Variants in COL5A3 observed in about 807,000 individuals in gnomAD.
The protein encoded by COL5A3 is collagen alpha-3(V) chain.
In COL5A3, 172 loss-of-function variants were observed where a neutral mutation model predicts 250.0. The observed-to-expected ratio is 0.69, with a 90% CI of 0.61 to 0.78. The LOEUF (loss-of-function observed/expected upper bound fraction) is 0.78. Among genes scored for constraint, COL5A3 ranks in the 30% least tolerant of loss-of-function variants. The pLI, the probability that COL5A3 is intolerant of heterozygous loss-of-function variation, is 0.00. For synonymous variants in COL5A3, 937 were observed against 900.4 expected (o/e 1.04, Z -0.73); for missense variants, 2,340 against 2,334.4 (o/e 1.00, Z -0.05).
rs544196094 is a variant in COL5A3, at chr19:9,971,683, G to A, written c.3775-425C>T. Reference sequence around the variant, plus strand: ...TAAAGCCCCTTCCTGACCTCCACCCGCCCCAACCTCTACTGTGGTGACAGA... The same window carrying A: ...TAAAGCCCCTTCCTGACCTCCACCCACCCCAACCTCTACTGTGGTGACAGA... On this transcript the variant is annotated intron_variant, in intron 51 of 66. Coordinates refer to ENST00000264828, the MANE Select transcript of COL5A3 (RefSeq NM_015719.4). 2.6e-5 allele frequency among the ~76,000 whole-genome samples: 4 copies of A among 151,892 alleles called. No homozygotes were observed. In the South Asian group the frequency reaches 6.2e-4, roughly 24 times the overall value.
chr19:9,967,566 G>T, intron 61 of COL5A3, 166 bp from the exon 62 acceptor site: 1 of 615,032 alleles, frequency 1.6e-6, no homozygotes, highest in Non-Finnish European at 2.8e-6. Context: ...TACAGCCTTG[G>T]GGAAGAGACA....
At position 10,004,840 on chromosome 19, in the gene COL5A3, G is replaced by A. The variant is rs530726720; in HGVS notation, c.595-695C>T. ...CCTGCTGGCTCCCAAAGTCATAACC[G>A]CCCCCACACAATCACACACTATCAC... is the stretch of plus-strand genomic sequence containing the variant. On this transcript the variant is annotated intron_variant, in intron 4 of 66. Coordinates refer to ENST00000264828, the MANE Select transcript of COL5A3 (RefSeq NM_015719.4). Among the ~76,000 whole-genome samples the A allele has an allele frequency of 1.3e-4, 19 of 151,970 alleles. No homozygotes were observed. The East Asian group carries it at 3.1e-3, about 25-fold the overall frequency.
chr19:9,967,884 C>A lies in COL5A3; in HGVS notation c.4404+20G>T. ...TGGGGAGCTGGGATGTGTAAGCCCA[C>A]GGAAGCAGGGTGTACTCACCGGAGA... On this transcript the variant is annotated intron_variant, in intron 61 of 66. Coordinates refer to ENST00000264828, the MANE Select transcript of COL5A3 (RefSeq NM_015719.4). 6.2e-7 allele frequency: 1 copy of A among 1,610,772 alleles called. No individual in the cohort carries two copies. The highest frequency in any genetic ancestry group is 1.1e-5 in the South Asian group (1 of 90,446).
intron 24 of COL5A3, among the ~76,000 whole-genome samples, chr19:9,990,731 T>A (rs1427279223): frequency 6.6e-6 from 1 of 151,830 alleles, no homozygotes; most frequent in Non-Finnish European, 1.5e-5. Context: ...CCCGGCTAAT[T>A]TTTTGGTATT....
At chr19:9,970,916 C>A in intron 53 of COL5A3, 59 bp downstream of exon 53, 1 of 1,369,992 alleles carries the variant, frequency 7.3e-7, no homozygotes, top group South Asian at 1.4e-5. Flanking sequence ...CCCCAATTCA[C>A]TCACTCATTA....
chr19:9,999,108 G>C (rs1006468431), intron 8 of COL5A3, among the ~76,000 whole-genome samples: 1 of 144,638 alleles, frequency 6.9e-6, no homozygotes, highest in Non-Finnish European at 1.5e-5. Context: ...TATTGCCCAG[G>C]CAGGCTTTTC....
rs1438481060 is a variant in COL5A3 at position 10,001,664 on chromosome 19, A to G, written c.970T>C (p.Leu324=). The G allele has an allele frequency of 1.2e-6, 2 of 1,613,686 alleles. No individual in the cohort carries two copies. The highest frequency in any genetic ancestry group is 1.7e-6 in the Non-Finnish European group (2 of 1,179,934). ...GLNATILERS[L]DPDSGTELGT... ...AGCTCGGTTCCACTGTCAGGGTCCA[A>G]GCTCCTCTGAGAACGTTAGGAAAGA... Residue 324 remains leucine, a synonymous_variant, in exon 8 of 67, where the codon TTG becomes CTG. Transcript: ENST00000264828.
chr19:9,977,566 C>T (rs2057053513), intron 42 of COL5A3, 28 bp downstream of exon 42: 3 of 1,546,674 alleles, frequency 1.9e-6, no homozygotes, highest in African/African-American at 1.4e-5. Context: ...TGAGGAGGCC[C>T]TAGGAATGGG....
chr19:9,980,980 AT>A, intron 33 of COL5A3, 107 bp downstream of exon 33: 1 of 1,506,396 alleles, frequency 6.6e-7, no homozygotes, highest in Non-Finnish European at 9.2e-7. Flanking sequence ...AGGGACATTG[AT>A]ATAACCCAAA....
rs1311579453 is a variant in COL5A3 at position 9,993,141 on chromosome 19, C to A, written c.1750-74G>T. 34 of 1,505,316 alleles carry A rather than the reference C, an allele frequency of 2.3e-5. No individual in the cohort carries two copies. The East Asian group carries it at 6.3e-4, about 28-fold the overall frequency. The allele number at this position is 1,505,316 out of a possible 1,614,324, so 93.2% of individuals were successfully genotyped here. ...GAGCCACCTCCCCTCATCTGGGCAG[C>A]CCCTTCCAGGGGGTCTCGGAATTAG... On this transcript the variant is annotated intron_variant, in intron 19 of 66. Coordinates refer to ENST00000264828, the MANE Select transcript of COL5A3 (RefSeq NM_015719.4).
At chr19:9,979,735 G>A (rs2086978306) in intron 37 of COL5A3, 104 bp downstream of exon 37, 11 of 1,110,232 alleles carry the variant, frequency 9.9e-6, no homozygotes, top group East Asian at 4.7e-5. Context: ...GCAGTGAGCC[G>A]AGATTGCCCC....
chr19:9,977,509 G>C (rs2086939651), intron 42 of COL5A3, 37 bp from the exon 43 acceptor site: 2 of 1,501,002 alleles, frequency 1.3e-6, no homozygotes, highest in Admixed American at 4.4e-5. Flanking sequence ...GTCAGGGCAG[G>C]AATGTCCTGC....
At chr19:9,977,521 G>A (rs1203696680) in intron 42 of COL5A3, 49 bp from the exon 43 acceptor site, 2 of 1,503,260 alleles carry the variant, frequency 1.3e-6, no homozygotes, top group East Asian at 2.3e-5. Context: ...ATGTCCTGCA[G>A]GAGCCATGTC....
chr19:9,971,358 G>A (rs114936356), intron 51 of COL5A3, 100 bp from the exon 52 acceptor site: 40,970 of 883,438 alleles, frequency 0.046, 1,092 homozygotes, highest in Middle Eastern at 0.06. Flanking sequence ...TGGTTTCTGG[G>A]GACACATTAG....
chr19:9,962,998 T>A, intron 64 of COL5A3, 111 bp from the exon 65 acceptor site: 1 of 791,896 alleles, frequency 1.3e-6, no homozygotes, highest in Non-Finnish European at 2.1e-6. Flanking sequence ...CAGGATGTTC[T>A]CTGGCTTCTG....
chr19:9,962,750 C>G (rs1236652743), intron 65 of COL5A3, 69 bp downstream of exon 65: 2 of 1,252,146 alleles, frequency 1.6e-6, no homozygotes, highest in Non-Finnish European at 2.3e-6. Context: ...TCAGAACCCA[C>G]CCCTCAAACC....
chr19:9,996,538 G>A (rs1344753073), intron 12 of COL5A3, 22 bp from the exon 13 acceptor site: 1 of 1,613,896 alleles, frequency 6.2e-7, no homozygotes, highest in Admixed American at 1.7e-5. Flanking sequence ...TTAGTGGTGA[G>A]GGAAGCCCCC....
chr19:9,985,977 T>A, intron 30 of COL5A3, 82 bp from the exon 31 acceptor site: 1 of 1,225,062 alleles, frequency 8.2e-7, no homozygotes. Context: ...TGGGGCATGG[T>A]GAATGGGCTA....
At chr19:9,995,666 G>T (rs2087258636) in intron 15 of COL5A3, 49 bp from the exon 16 acceptor site, 2 of 1,396,334 alleles carry the variant, frequency 1.4e-6, no homozygotes, top group African/African-American at 1.4e-5. Flanking sequence ...GAAGAAAGAG[G>T]GACTTATTCT....
Sources: gnomAD v4.1 joint callset for allele counts (sites outside exome capture counted in the v4.1 genomes callset) on GRCh38, gnomAD v4.1.1 for gene constraint, MANE v1.5 for transcripts, NCBI Gene and HGNC (gene_info 2026-07-23, HGNC 2026-07-21) for gene names.